Variants in SLC51A observed in about 807,000 individuals in gnomAD.
SLC51A encodes the protein solute carrier family 51 member A, also known as organic solute transporter subunit alpha.
SLC51A carries 22 observed loss-of-function variants against 34.8 expected under a neutral mutation model. The ratio of observed to expected loss-of-function variants is 0.63; its 90% CI spans 0.45 to 0.90. SLC51A has a LOEUF of 0.90. Ranked by LOEUF, SLC51A falls within the 40% of genes least tolerant of loss-of-function variation. The probability of loss-of-function intolerance (pLI) is 0.00; values close to 1 mark genes in which losing one functional copy is unlikely to be tolerated. For missense variants in SLC51A, 371 were observed against 414.8 expected, an observed-to-expected ratio of 0.89 and a Z score of 0.92; for synonymous variants, 181 against 176.3, an observed-to-expected ratio of 1.03 and a Z score of -0.21.
rs906832882 is a variant in SLC51A, at chr3:196,217,882, G to A, written c.79G>A (p.Gly27Ser). The A allele has an allele frequency of 2.7e-5, 43 of 1,613,520 alleles. No individual in the cohort carries two copies. The highest frequency in any genetic ancestry group is 8.0e-5 in the African/African-American group (6 of 74,884). Residue 27 changes from glycine (G) to serine (S), a missense_variant, in exon 2 of 9, where the codon GGC becomes AGC. Physicochemically the swap from Gly to Ser is moderately conservative, Grantham distance 56. Transcript: ENST00000296327. ...DLLEVLKTNY[G>S]IPSACFSQPP... ...TCTGGAGGTGCTGAAGACCAATTAC[G>A]GCATCCCCTCCGCCTGCTTCTCTCA...
chr3:196,229,818 A>C, intron 6 of SLC51A, 97 bp from the exon 7 acceptor site: 1 of 1,427,690 alleles, frequency 7.0e-7, no homozygotes, highest in Non-Finnish European at 9.4e-7. Context: ...GCACCTCTGC[A>C]CTTTCAGCTG....
chr3:196,230,510 A>ATT (rs372727578), intron 7 of SLC51A, among the ~76,000 whole-genome samples: 8 of 135,082 alleles, frequency 5.9e-5, no homozygotes, highest in African/African-American at 8.2e-5. Flanking sequence ...TGTGTCTTCT[A>ATT]TTTTTTTTTT....
chr3:196,230,081 G>A lies in SLC51A; in HGVS notation c.780+20G>A. 1 of 1,590,194 alleles carries A rather than the reference G, an allele frequency of 6.3e-7. No individual in the cohort carries two copies. The highest frequency in any genetic ancestry group is 1.7e-4 in the Middle Eastern group (1 of 5,954). On this transcript the variant is annotated intron_variant, in intron 7 of 8. Transcript: ENST00000296327. ...TTCCAGGTAACTATACCCTGGGAGA[G>A]AAAAGATGTTTCATAACCGAGCTAC...
rs1280576716 is a variant in SLC51A at position 196,227,691 on chromosome 3, C to A, written c.316C>A (p.Leu106Ile). ...TVVSVLCCFGLWIPRSLVLVE... is the reference protein window; with the variant it reads ...TVVSVLCCFGIWIPRSLVLVE... Reference sequence around the variant, plus strand: ...GGTGTCTGTGCTGTGCTGCTTTGGTCTCTGGATCCCTCGTTCCCTGGTGCT... The same window carrying A: ...GGTGTCTGTGCTGTGCTGCTTTGGTATCTGGATCCCTCGTTCCCTGGTGCT... The change falls in exon 4 of 9, where the codon CTC becomes ATC. Residue 106 changes from leucine to isoleucine, a missense_variant. Physicochemically the swap from Leu to Ile is conservative, Grantham distance 5. Transcript: ENST00000296327. 1 of 1,613,878 alleles carries A rather than the reference C, an allele frequency of 6.2e-7. No individual in the cohort carries two copies. The highest frequency in any genetic ancestry group is 1.3e-5 in the African/African-American group (1 of 74,898).
chr3:196,227,901 T>C (rs1723937464), intron 4 of SLC51A, 164 bp downstream of exon 4: 1 of 903,032 alleles, frequency 1.1e-6, no homozygotes. Flanking sequence ...TGCCTCATTT[T>C]GGCATCTGGC....
At chr3:196,223,843 C>CTT in intron 2 of SLC51A, 1 of 397,078 alleles carries the variant, frequency 2.5e-6, no homozygotes, top group Admixed American at 3.0e-5. Flanking sequence ...GTGTAATTTC[C>CTT]TTTTTTTTAA....
In SLC51A at chr3:196,219,158, G is replaced by A. The variant is rs188543732; in HGVS notation, c.133+1222G>A. Among the ~76,000 whole-genome samples, 35 of 152,232 alleles carry A rather than the reference G, an allele frequency of 2.3e-4. No individual in the cohort carries two copies. The East Asian group carries it at 6.2e-3, about 27-fold the overall frequency. Reference sequence around the variant, plus strand: ...GGAGAGTTGCTTGAACTCGGGAGGCGGAGGTTGCAGTGAGCCGAGATCACG... The same window carrying A: ...GGAGAGTTGCTTGAACTCGGGAGGCAGAGGTTGCAGTGAGCCGAGATCACG... On this transcript the variant is annotated intron_variant, in intron 2 of 8. Coordinates refer to ENST00000296327, the MANE Select transcript of SLC51A (RefSeq NM_152672.6).
In SLC51A at chr3:196,216,975, C is replaced by CGCAGA; in HGVS notation, c.38+228_38+232dup. The stretch of plus-strand genomic sequence containing the variant: ...CCCCCCAGCGTGGGGAGAGAAAGGT[C>CGCAGA]GCAGAGCGGGGGCTGTGGAAGGCAT... On this transcript the variant is annotated intron_variant, in intron 1 of 8. Coordinates refer to ENST00000296327, the MANE Select transcript of SLC51A (RefSeq NM_152672.6). This position sits in a 1 kb window ranked among gnomAD's most constrained non-coding sequence, Gnocchi z 4.5. Among the ~76,000 whole-genome samples, 1 of 152,334 alleles carries CGCAGA rather than the reference C, an allele frequency of 6.6e-6. No individual in the cohort carries two copies. The highest frequency in any genetic ancestry group is 1.5e-5 in the Non-Finnish European group (1 of 68,030).
At chr3:196,220,127 A>G (rs1723707365) in intron 2 of SLC51A, among the ~76,000 whole-genome samples, 1 of 152,202 alleles carries the variant, frequency 6.6e-6, no homozygotes, top group African/African-American at 2.4e-5. Flanking sequence ...GACAATTGAG[A>G]GGGCCGGGCA....
chr3:196,219,896 C>T (rs756663254), intron 2 of SLC51A, among the ~76,000 whole-genome samples: 27 of 152,266 alleles, frequency 1.8e-4, no homozygotes, highest in Non-Finnish European at 1.5e-4. Flanking sequence ...ACGGTTCTCA[C>T]ATTGCTTTGC....
intron 2 of SLC51A, among the ~76,000 whole-genome samples, chr3:196,220,612 T>C (rs1723732171): frequency 6.6e-6 from 1 of 151,602 alleles, no homozygotes; most frequent in South Asian, 2.1e-4. Flanking sequence ...CAGCAAAAAA[T>C]AGGCAGGGAT....
intron 2 of SLC51A, among the ~76,000 whole-genome samples, chr3:196,220,828 G>A (rs1167908598): frequency 6.6e-6 from 1 of 152,110 alleles, no homozygotes; most frequent in Non-Finnish European, 1.5e-5. Context: ...AAGTGCCTCT[G>A]GGAGGCTGTG....
At chr3:196,230,510 A>ATTTT (rs372727578) in intron 7 of SLC51A, among the ~76,000 whole-genome samples, 2 of 135,072 alleles carry the variant, frequency 1.5e-5, no homozygotes, top group South Asian at 2.3e-4. Flanking sequence ...TGTGTCTTCT[A>ATTTT]TTTTTTTTTT....
chr3:196,228,838 C>T lies in SLC51A; in HGVS notation c.551C>T (p.Pro184Leu), dbSNP rs1160272266. The change falls in exon 6 of 9, where the codon CCT (proline) becomes CTT (leucine). Residue 184 changes from proline to leucine, a missense_variant. Coordinates refer to ENST00000296327, the MANE Select transcript of SLC51A (RefSeq NM_152672.6). The surrounding 1 kb of genome is among the most constrained non-coding windows in gnomAD (Gnocchi z 4.9). ...AAGCTTCAGCTGCTGATGTTGGGCC[C>T]TTTCCAATACGCCTTCTTGAAGATA... ...RKKLQLLMLGPFQYAFLKITL... is the reference protein window; with the variant it reads ...RKKLQLLMLGLFQYAFLKITL... 10 of 1,614,058 alleles carry T rather than the reference C, an allele frequency of 6.2e-6. No homozygotes were observed. Among genetic ancestry groups the T allele is most frequent in the Non-Finnish European group, 8.5e-6 (10 of 1,180,042 alleles).
chr3:196,226,324 TC>T (rs1160785581), intron 2 of SLC51A, among the ~76,000 whole-genome samples: 1 of 149,804 alleles, frequency 6.7e-6, no homozygotes, highest in Non-Finnish European at 1.5e-5. Flanking sequence ...CCTGTCCTCC[TC>T]CCCACAAAAA....
Position 196,216,867 on chromosome 3 carries a change from C to T in SLC51A, c.38+117C>T. ...CGGCCGCACTCAGAATGAGACAGGA[C>T]TGGAAATGCTCTAGCTGTTCCTAGG... On this transcript the variant is annotated intron_variant, in intron 1 of 8. Transcript: ENST00000296327. This position sits in a 1 kb window ranked among gnomAD's most constrained non-coding sequence, Gnocchi z 4.5. 1 of 1,106,524 alleles carries T rather than the reference C, an allele frequency of 9.0e-7. No individual in the cohort carries two copies. Among genetic ancestry groups the T allele is most frequent in the Non-Finnish European group, 1.3e-6 (1 of 776,716 alleles). The allele number at this position is 1,106,524 out of a possible 1,614,324, so 68.5% of individuals were successfully genotyped here. A position where few individuals can be genotyped will look rare whatever the true frequency, so the allele number is the denominator to read the frequency against.
At chr3:196,217,751 C>A in intron 1 of SLC51A, 91 bp from the exon 2 acceptor site, 1 of 984,550 alleles carries the variant, frequency 1.0e-6, no homozygotes, top group South Asian at 1.4e-5. Flanking sequence ...TGGACAAAGT[C>A]CTGCACTCAG....
At chr3:196,222,884 T>C (rs79398212) in intron 2 of SLC51A, among the ~76,000 whole-genome samples, 5,152 of 151,944 alleles carry the variant, frequency 0.034, 196 homozygotes, top group Non-Finnish European at 0.052. Context: ...GATAGTTTGA[T>C]GGACAGACCC....
At chr3:196,221,274 A>AG (rs1243330903) in intron 2 of SLC51A, among the ~76,000 whole-genome samples, 1 of 151,776 alleles carries the variant, frequency 6.6e-6, no homozygotes, top group East Asian at 1.9e-4. Flanking sequence ...AGAGAGAGAG[A>AG]AAAAAAAGCT....
Sources: allele counts gnomAD v4.1 joint callset (sites outside exome capture counted in the v4.1 genomes callset), GRCh38; gene constraint gnomAD v4.1.1; non-coding constraint Gnocchi (gnomAD v3.1); transcripts MANE v1.5; gene names NCBI Gene and HGNC (gene_info 2026-07-23, HGNC 2026-07-21).